Variants in PDE10A observed in about 807,000 individuals in gnomAD.
The protein encoded by PDE10A is cAMP and cAMP-inhibited cGMP 3',5'-cyclic phosphodiesterase 10A.
PDE10A carries 39 observed loss-of-function variants against 97.7 expected under a neutral mutation model. The ratio of observed to expected loss-of-function variants is 0.40; its 90% CI spans 0.31 to 0.52. The LOEUF (loss-of-function observed/expected upper bound fraction) is 0.52, where lower values mean the gene tolerates loss of function less well. PDE10A is among the 20% of genes least tolerant of loss of function. The pLI, the probability that PDE10A is intolerant of heterozygous loss-of-function variation, is 0.56. For missense variants in PDE10A, 731 were observed against 1,047.8 expected (o/e 0.70, Z 4.17); for synonymous variants, 371 against 376.8 (o/e 0.98, Z 0.18).
At chr6:165,987,048 G>T (rs1447724663) in intron 1 of PDE10A, among the ~76,000 whole-genome samples, 19 of 152,092 alleles carry the variant, frequency 1.2e-4, no homozygotes, top group South Asian at 8.3e-4. Flanking sequence ...ACTGAGAACT[G>T]GAGAAGGGCG....
chr6:165,521,758 G>T (rs1177129868), intron 2 of PDE10A, among the ~76,000 whole-genome samples: 1 of 152,218 alleles, frequency 6.6e-6, no homozygotes, highest in Non-Finnish European at 1.5e-5. Context: ...TTTAAGGAAA[G>T]ACGCCATCTC....
Position 165,394,186 on chromosome 6 carries a change from T to C in PDE10A, c.2303+995A>G, listed in dbSNP as rs559869520. On this transcript the variant is annotated intron_variant, in intron 15 of 21. Coordinates refer to ENST00000539869, the MANE Select transcript of PDE10A (RefSeq NM_001385079.1). Reference sequence around the variant, plus strand: ...GCACCCATCAACCCTTCATCTACATTTGCTATTTCTCCTAATGCTATCCCT... The same window carrying C: ...GCACCCATCAACCCTTCATCTACATCTGCTATTTCTCCTAATGCTATCCCT... 7.4e-4 allele frequency among the ~76,000 whole-genome samples: 112 copies of C among 152,206 alleles called. 2 individuals carry two copies. The South Asian group carries it at 0.023, about 31-fold the overall frequency.
At chr6:165,697,581 G>A (rs1582949337) in intron 1 of PDE10A, among the ~76,000 whole-genome samples, 1 of 152,266 alleles carries the variant, frequency 6.6e-6, no homozygotes, top group South Asian at 2.1e-4. Flanking sequence ...GAAACTTGAA[G>A]ACCTTGTGTT....
At chr6:165,653,383 C>A (rs373693480) in intron 1 of PDE10A, among the ~76,000 whole-genome samples, 1 of 152,132 alleles carries the variant, frequency 6.6e-6, no homozygotes, top group African/African-American at 2.4e-5. Flanking sequence ...CGGACCATGA[C>A]GAAGCCTAGG....
chr6:165,687,419 T>C (rs555466762), intron 1 of PDE10A, among the ~76,000 whole-genome samples: 11 of 152,336 alleles, frequency 7.2e-5, no homozygotes, highest in African/African-American at 2.2e-4. Context: ...AGTCGCAACA[T>C]TGAGAACACC....
At position 165,619,449 on chromosome 6, in the gene PDE10A, CTAGTGTAGTGTAGT is replaced by C. The variant is rs1787973489; in HGVS notation, c.865+42484_865+42497del. 3.7e-4 allele frequency among the ~76,000 whole-genome samples: 6 copies of C among 16,408 alleles called. 1 individual carries two copies. Among genetic ancestry groups the C allele is most frequent in the African/African-American group, 2.1e-3 (5 of 2,414 alleles). 10.8% of individuals were successfully genotyped at this position (16,408 alleles called of 152,430 possible). The stretch of plus-strand genomic sequence containing the variant: ...GTAGTATAGTGTAGTGTAGTATAGT[CTAGTGTAGTGTAGT>C]CTAGTGTAGTGTAGTCTAGTGTAGT... On this transcript the variant is annotated intron_variant, in intron 1 of 21. Coordinates refer to ENST00000539869, the MANE Select transcript of PDE10A (RefSeq NM_001385079.1).
chr6:165,616,869 G>A (rs1316114373), intron 1 of PDE10A, among the ~76,000 whole-genome samples: 1 of 152,056 alleles, frequency 6.6e-6, no homozygotes, highest in Non-Finnish European at 1.5e-5. Context: ...ACCAAAATTT[G>A]AGAACAGAGA....
chr6:165,571,537 T>C (rs759766195), intron 1 of PDE10A, among the ~76,000 whole-genome samples: 5 of 152,116 alleles, frequency 3.3e-5, no homozygotes, highest in Middle Eastern at 3.2e-3. Flanking sequence ...CAGGCCAGAG[T>C]TCCTAAGACA....
At chr6:165,667,673 C>A (rs1583752811), upstream of PDE10A, among the ~76,000 whole-genome samples, 1 of 148,964 alleles carries the variant, frequency 6.7e-6, no homozygotes. Context: ...TCTTCAATGA[C>A]AGAAACGTGT....
chr6:165,953,144 C>A (rs148535751), intron 1 of PDE10A, among the ~76,000 whole-genome samples: 35 of 152,270 alleles, frequency 2.3e-4, no homozygotes, highest in African/African-American at 8.4e-4. Context: ...GCCCTCAGTG[C>A]CTCTGTTCTT....
intron 1 of PDE10A, among the ~76,000 whole-genome samples, chr6:165,861,391 G>C (rs75850787): frequency 6.6e-6 from 1 of 151,290 alleles, no homozygotes; most frequent in Non-Finnish European, 1.5e-5. Context: ...TTGTCCTCTC[G>C]GGGGGGCGCT....
intron 1 of PDE10A, among the ~76,000 whole-genome samples, chr6:165,864,903 T>C (rs1780998538): frequency 6.6e-6 from 1 of 152,234 alleles, no homozygotes; most frequent in Non-Finnish European, 1.5e-5. Context: ...GTGTACAGCA[T>C]GGTCCAAGTA....
rs531710399 is a variant in PDE10A at position 165,921,993 on chromosome 6, G to C, written c.-615+65536C>G. Among the ~76,000 whole-genome samples the C allele has an allele frequency of 9.2e-5, 14 of 152,304 alleles. No individual in the cohort carries two copies. In the South Asian group the frequency reaches 1.4e-3, roughly 16 times the overall value. ...GAAGCAAGCCGGGTGCATGAGGTCA[G>C]TGGGATAAACCAGGCTAGGTAGATG... On this transcript the variant is annotated intron_variant, in intron 1 of 19. Coordinates refer to the PDE10A transcript ENST00000366882.
At chr6:165,918,886 G>A (rs1554339402) in intron 1 of PDE10A, among the ~76,000 whole-genome samples, 1 of 152,102 alleles carries the variant, frequency 6.6e-6, no homozygotes, top group Non-Finnish European at 1.5e-5. Flanking sequence ...TTTGCGACCT[G>A]TTGATGAGCT....
rs534366820 is a variant in PDE10A, at chr6:165,537,392, TA to T, written c.994+6047del. Among the ~76,000 whole-genome samples the T allele has an allele frequency of 3.3e-3, 505 of 152,094 alleles. 5 individuals carry two copies. The highest frequency in any genetic ancestry group is 7.1e-4 in the Non-Finnish European group (48 of 67,874). The stretch of plus-strand genomic sequence containing the variant: ...GTAGCACAATAGGGGGACCAATCAT[TA>T]AACCTGAATAGTAGATTTGGGATAT... On this transcript the variant is annotated intron_variant, in intron 2 of 21. Transcript: ENST00000539869.
chr6:165,506,926 T>C (rs1781228896), intron 2 of PDE10A, among the ~76,000 whole-genome samples: 1 of 152,146 alleles, frequency 6.6e-6, no homozygotes, highest in Non-Finnish European at 1.5e-5. Flanking sequence ...ACAGCCTCTC[T>C]GTTTTTCTTC....
At chr6:165,459,233 C>T (rs1323558116) in intron 3 of PDE10A, among the ~76,000 whole-genome samples, 1 of 152,092 alleles carries the variant, frequency 6.6e-6, no homozygotes, top group Non-Finnish European at 1.5e-5. Flanking sequence ...TCTTGATCCG[C>T]TATTACTGTC....
In PDE10A at chr6:165,528,338, CCT is replaced by C. The variant is rs772808014; in HGVS notation, c.994+15100_994+15101del. ...CACTCAGCCTCTTTCCCCAGCCACC[CCT>C]GTCATCGCCCTATGGGCCAATGAAC... On this transcript the variant is annotated intron_variant, in intron 2 of 21. Transcript: ENST00000539869. Among the ~76,000 whole-genome samples the C allele has an allele frequency of 8.5e-5, 13 of 152,300 alleles. No homozygotes were observed. In the East Asian group the frequency reaches 1.4e-3, roughly 16 times the overall value.
At chr6:165,396,500 G>T (rs1469061227) in intron 13 of PDE10A, 41 bp from the exon 14 acceptor site, 7 of 1,564,198 alleles carry the variant, frequency 4.5e-6, no homozygotes, top group South Asian at 1.2e-5. Context: ...AAAATTAAAA[G>T]AATATTTAAA....
Sources: allele counts gnomAD v4.1 joint callset (sites outside exome capture counted in the v4.1 genomes callset), GRCh38; gene constraint gnomAD v4.1.1; transcripts MANE v1.5; gene names NCBI Gene and HGNC (gene_info 2026-07-23, HGNC 2026-07-21).